The following ELMO1 variants were observed in gnomAD, a reference collection of about 807,000 sequenced individuals.
ELMO1 encodes the protein engulfment and cell motility 1.
A neutral mutation model predicts 98.9 loss-of-function variants in ELMO1; 26 were observed. The observed-to-expected ratio is 0.26, with a 90% CI of 0.19 to 0.36. ELMO1 has a LOEUF of 0.36. Among genes scored for constraint, ELMO1 ranks in the 10% least tolerant of loss-of-function variants. The pLI, the probability that ELMO1 is intolerant of heterozygous loss-of-function variation, is 1.00. For missense variants in ELMO1, 627 were observed against 935.2 expected, an observed-to-expected ratio of 0.67 and a Z score of 4.30; for synonymous variants, 346 against 346.0, an observed-to-expected ratio of 1.00 and a Z score of 0.00.
chr7:37,167,116 C>T (rs1404042592), intron 13 of ELMO1, among the ~76,000 whole-genome samples: 1 of 151,950 alleles, frequency 6.6e-6, no homozygotes, highest in African/African-American at 2.4e-5. Context: ...CTCTTTTGAT[C>T]TTTGTTGCTT....
chr7:37,216,175 C>T (rs1793270798), intron 11 of ELMO1, among the ~76,000 whole-genome samples: 1 of 151,356 alleles, frequency 6.6e-6, no homozygotes, highest in Non-Finnish European at 1.5e-5. Flanking sequence ...CATCTTGCAT[C>T]GCAGCGAATG....
intron 13 of ELMO1, among the ~76,000 whole-genome samples, chr7:37,157,592 A>C (rs1411856485): frequency 6.6e-6 from 1 of 152,174 alleles, no homozygotes; most frequent in Non-Finnish European, 1.5e-5. Context: ...CTAGGAATCC[A>C]ACTTACAAGG....
rs1349225745 is a variant in ELMO1 at position 37,292,557 on chromosome 7, G to A, written c.193-20675C>T. ...TGGGAAGTGAGGAGCGTCTCTGCCCGGCCGCCCATCGTCTGAGATGTGGGG... is the reference window on the plus strand; with the variant it reads ...TGGGAAGTGAGGAGCGTCTCTGCCCAGCCGCCCATCGTCTGAGATGTGGGG... On this transcript the variant is annotated intron_variant, in intron 4 of 21. Coordinates refer to ENST00000310758, the MANE Select transcript of ELMO1 (RefSeq NM_014800.11). Among the ~76,000 whole-genome samples, 339 of 103,126 alleles carry A rather than the reference G, an allele frequency of 3.3e-3. 5 individuals carry two copies. Among genetic ancestry groups the A allele is most frequent in the African/African-American group, 9.5e-3 (309 of 32,584 alleles). 67.7% of individuals were successfully genotyped at this position (103,126 alleles called of 152,430 possible).
rs960974720 is a variant in ELMO1 at position 37,314,562 on chromosome 7, A to G, written c.192+288T>C. 5.3e-5 allele frequency among the ~76,000 whole-genome samples: 8 copies of G among 152,208 alleles called. No homozygotes were observed. The East Asian group carries it at 1.5e-3, about 29-fold the overall frequency. On this transcript the variant is annotated intron_variant, in intron 4 of 21. Transcript: ENST00000310758. ...AAAGGAAAACCCAACTAAGTCATTA[A>G]GTATCAAATAAATTCTTTAACCAAG...
At chr7:36,951,115 A>G (rs2129105406) in intron 16 of ELMO1, among the ~76,000 whole-genome samples, 1 of 152,140 alleles carries the variant, frequency 6.6e-6, no homozygotes, top group Non-Finnish European at 1.5e-5. Context: ...GGCCACCTCC[A>G]TTTACTGCTT....
At chr7:37,433,129 C>A (rs552117986) in intron 1 of ELMO1, among the ~76,000 whole-genome samples, 1 of 152,130 alleles carries the variant, frequency 6.6e-6, no homozygotes, top group Non-Finnish European at 1.5e-5. Context: ...TTGAGGACAG[C>A]GAGAGTTACA....
rs1019444445 is a variant in ELMO1, at chr7:37,160,027, G to A, written c.1087-26793C>T. On this transcript the variant is annotated intron_variant, in intron 13 of 21. Coordinates refer to ENST00000310758, the MANE Select transcript of ELMO1 (RefSeq NM_014800.11). ...ACAATGAAACTAGTATCTGACTATC[G>A]CAAACTCAAGTAGGTTTGATAATTT... is the stretch of plus-strand genomic sequence containing the variant. 4.6e-5 allele frequency among the ~76,000 whole-genome samples: 7 copies of A among 152,156 alleles called. 1 individual carries two copies. In the South Asian group the frequency reaches 6.2e-4, roughly 14 times the overall value.
At chr7:37,418,260 G>A (rs188291432) in intron 1 of ELMO1, among the ~76,000 whole-genome samples, 8 of 152,250 alleles carry the variant, frequency 5.3e-5, no homozygotes, top group African/African-American at 1.9e-4. Context: ...AGAAAGTGCA[G>A]CACATTTTGA....
At chr7:37,120,622 G>T (rs1343742627) in intron 14 of ELMO1, among the ~76,000 whole-genome samples, 2 of 152,204 alleles carry the variant, frequency 1.3e-5, no homozygotes, top group East Asian at 1.9e-4. Context: ...AAACAAAGTG[G>T]CCGGGAAGCT....
chr7:37,333,113 C>T (rs1800222343), intron 2 of ELMO1, among the ~76,000 whole-genome samples: 1 of 152,182 alleles, frequency 6.6e-6, no homozygotes. Flanking sequence ...TAGAAAAGCA[C>T]ATATTTTATT....
intron 1 of ELMO1, among the ~76,000 whole-genome samples, chr7:37,371,842 C>CT (rs1282550578): frequency 3.3e-5 from 5 of 152,266 alleles, no homozygotes; most frequent in African/African-American, 1.2e-4. Context: ...TGATGAGTTG[C>CT]GAAGAGCAGC....
intron 1 of ELMO1, among the ~76,000 whole-genome samples, chr7:37,386,380 G>T (rs1001094540): frequency 2.0e-5 from 3 of 151,812 alleles, no homozygotes; most frequent in African/African-American, 7.3e-5. Flanking sequence ...GGGGCTGGAG[G>T]GGGGAGCCCA....
At chr7:36,956,294 T>C (rs1376476648) in intron 16 of ELMO1, among the ~76,000 whole-genome samples, 3 of 152,258 alleles carry the variant, frequency 2.0e-5, no homozygotes, top group African/African-American at 7.2e-5. Flanking sequence ...TTTATTCTGC[T>C]TTTGGTCATG....
At chr7:36,903,341 C>T (rs1783718817) in intron 16 of ELMO1, among the ~76,000 whole-genome samples, 1 of 152,216 alleles carries the variant, frequency 6.6e-6, no homozygotes, top group East Asian at 1.9e-4. Flanking sequence ...CCCATTCTCC[C>T]ATCACAGTCC....
At chr7:36,896,206 G>T (rs1358157714) in intron 16 of ELMO1, among the ~76,000 whole-genome samples, 1 of 152,172 alleles carries the variant, frequency 6.6e-6, no homozygotes, top group Admixed American at 6.5e-5. Flanking sequence ...AGTGGAGGAG[G>T]TGCTAGTATC....
chr7:37,094,697 T>C (rs1417302017), intron 15 of ELMO1, among the ~76,000 whole-genome samples: 1 of 152,184 alleles, frequency 6.6e-6, no homozygotes, highest in Non-Finnish European at 1.5e-5. Context: ...ACTGTTCCCA[T>C]AGAGCTCCTC....
chr7:37,092,041 C>CAAT (rs1784124816), intron 15 of ELMO1, among the ~76,000 whole-genome samples: 1 of 152,152 alleles, frequency 6.6e-6, no homozygotes, highest in Non-Finnish European at 1.5e-5. Context: ...CCTCAATCTT[C>CAAT]AATCTTGTTC....
intron 16 of ELMO1, among the ~76,000 whole-genome samples, chr7:36,942,260 C>T (rs1044778218): frequency 7.2e-5 from 11 of 152,196 alleles, no homozygotes; most frequent in Non-Finnish European, 1.6e-4. Flanking sequence ...CCAACCCTGA[C>T]TCACTAAGGA....
rs750065160 is a variant in ELMO1, at chr7:37,211,533, AG to A, written c.955-17del. 1 of 1,611,926 alleles carries A rather than the reference AG, an allele frequency of 6.2e-7. No homozygotes were observed. The highest frequency in any genetic ancestry group is 1.7e-5 in the Admixed American group (1 of 59,756). ...CCCTCTGAGCCTGAAGGAATCAGGGAGTAAAAAGAAAAGGGAGGGGAAAAAG... is the reference window on the plus strand; with the variant it reads ...CCCTCTGAGCCTGAAGGAATCAGGGATAAAAAGAAAAGGGAGGGGAAAAAG... On this transcript the variant is annotated splice_polypyrimidine_tract_variant and intron_variant, in intron 12 of 21. Transcript: ENST00000310758.
Sources: gnomAD v4.1 joint callset for allele counts (sites outside exome capture counted in the v4.1 genomes callset) on GRCh38, gnomAD v4.1.1 for gene constraint, MANE v1.5 for transcripts, NCBI Gene and HGNC (gene_info 2026-07-23, HGNC 2026-07-21) for gene names.